PCDH9: variants seen among roughly 807,000 people sequenced by gnomAD.
PCDH9 encodes protocadherin-9.
A neutral mutation model predicts 70.6 loss-of-function variants in PCDH9; 24 were observed. That is an observed-to-expected ratio of 0.34 (90% CI 0.25 to 0.48). PCDH9 has a LOEUF of 0.48. PCDH9 is among the 20% of genes least tolerant of loss of function. The pLI is 0.99. For missense variants in PCDH9, 1,281 were observed against 1,503.6 expected, an observed-to-expected ratio of 0.85 and a Z score of 2.45; for synonymous variants, 562 against 558.5, an observed-to-expected ratio of 1.01 and a Z score of -0.09.
At position 66,518,829 on chromosome 13, in the gene PCDH9, C is replaced by T. The variant is rs369667392; in HGVS notation, c.3340+112381G>A. Among the ~76,000 whole-genome samples the T allele has an allele frequency of 5.9e-5, 9 of 152,138 alleles. No individual in the cohort carries two copies. In the East Asian group the frequency reaches 1.5e-3, roughly 26 times the overall value. On this transcript the variant is annotated intron_variant, in intron 4 of 4. Transcript: ENST00000377865. ...ATGGGCAGGGAATTTTAAAACTTTT[C>T]GAGTAAAAGAGACCAAAACCCAAAC...
chr13:66,462,976 ACTG>A (rs1473348418), intron 4 of PCDH9, among the ~76,000 whole-genome samples: 1 of 151,836 alleles, frequency 6.6e-6, no homozygotes, highest in African/African-American at 2.4e-5. Flanking sequence ...ATGTGATATC[ACTG>A]CTTGCACAAG....
At chr13:66,966,067 A>T (rs558242972) in intron 2 of PCDH9, among the ~76,000 whole-genome samples, 1 of 152,220 alleles carries the variant, frequency 6.6e-6, no homozygotes, top group East Asian at 1.9e-4. Flanking sequence ...GCCATATTTT[A>T]AAAAAATATG....
At chr13:67,158,138 G>T (rs1325328441) in intron 2 of PCDH9, among the ~76,000 whole-genome samples, 1 of 152,134 alleles carries the variant, frequency 6.6e-6, no homozygotes, top group Non-Finnish European at 1.5e-5. Flanking sequence ...AGTATCACTA[G>T]ACTGTCTAAT....
At chr13:66,923,767 A>C (rs1179192907) in intron 2 of PCDH9, among the ~76,000 whole-genome samples, 1 of 151,712 alleles carries the variant, frequency 6.6e-6, no homozygotes, top group Non-Finnish European at 1.5e-5. Context: ...TTGCCATTGC[A>C]CTTTTCGATT....
intron 4 of PCDH9, among the ~76,000 whole-genome samples, chr13:66,332,110 C>T (rs972537492): frequency 1.3e-5 from 2 of 151,978 alleles, no homozygotes; most frequent in Non-Finnish European, 2.9e-5. Flanking sequence ...TCTCAGTGGC[C>T]CCACTAAGAT....
At chr13:66,740,552 G>A (rs1290956854) in intron 3 of PCDH9, among the ~76,000 whole-genome samples, 2 of 146,832 alleles carry the variant, frequency 1.4e-5, no homozygotes, top group African/African-American at 5.0e-5. Flanking sequence ...GAATCCAGGA[G>A]CTGGTTTTTT....
chr13:67,168,972 T>A (rs914012584), intron 2 of PCDH9, among the ~76,000 whole-genome samples: 3 of 152,200 alleles, frequency 2.0e-5, no homozygotes, highest in Non-Finnish European at 4.4e-5. Flanking sequence ...CCAGTAGATG[T>A]TTAATAAATG....
chr13:66,613,320 T>G (rs2077316308), intron 4 of PCDH9, among the ~76,000 whole-genome samples: 1 of 152,220 alleles, frequency 6.6e-6, no homozygotes, highest in South Asian at 2.1e-4. Context: ...AGGAACCACT[T>G]GCATGAGAAT....
chr13:66,665,853 T>C (rs2078089691), intron 3 of PCDH9, among the ~76,000 whole-genome samples: 1 of 151,930 alleles, frequency 6.6e-6, no homozygotes. Context: ...GATACTAGAT[T>C]AGGGTAGGAA....
intron 2 of PCDH9, among the ~76,000 whole-genome samples, chr13:66,966,947 A>C (rs1273960060): frequency 6.6e-6 from 1 of 152,080 alleles, no homozygotes; most frequent in African/African-American, 2.4e-5. Context: ...GGTAAACTAA[A>C]AGCAGACCGT....
intron 2 of PCDH9, among the ~76,000 whole-genome samples, chr13:66,947,077 C>T (rs1241205645): frequency 6.6e-6 from 1 of 152,100 alleles, no homozygotes; most frequent in Admixed American, 6.6e-5. Flanking sequence ...TGTTCAATTA[C>T]AAGTTTGTCC....
At chr13:67,054,889 C>T (rs2085388916) in intron 2 of PCDH9, among the ~76,000 whole-genome samples, 1 of 152,124 alleles carries the variant, frequency 6.6e-6, no homozygotes, top group Non-Finnish European at 1.5e-5. Context: ...CCAAAAAATA[C>T]ATATATTTGA....
chr13:67,215,755 T>A (rs531239305), intron 2 of PCDH9: 1 of 152,116 alleles, frequency 6.6e-6, no homozygotes, highest in East Asian at 1.9e-4. Flanking sequence ...TGGAAAATCT[T>A]ATATATATAA....
chr13:66,631,107 T>C lies in PCDH9; in HGVS notation c.3340+103A>G, dbSNP rs77043425. On this transcript the variant is annotated intron_variant, in intron 4 of 4. Transcript: ENST00000377865. ...AACAACAATAAAGCCAGCAAAAAAATAACTAAATGTTCATCCTTGCCCCCT... is the reference window on the plus strand; with the variant it reads ...AACAACAATAAAGCCAGCAAAAAAACAACTAAATGTTCATCCTTGCCCCCT... The C allele has an allele frequency of 6.7e-3, 4,503 of 667,232 alleles. 174 individuals carry two copies. The East Asian group carries it at 0.083, about 12-fold the overall frequency. 41.3% of individuals were successfully genotyped at this position (667,232 alleles called of 1,614,324 possible).
intron 2 of PCDH9, among the ~76,000 whole-genome samples, chr13:66,944,975 C>T (rs2083065757): frequency 1.3e-5 from 2 of 151,944 alleles, no homozygotes; most frequent in African/African-American, 4.8e-5. Flanking sequence ...TACCCTAAAA[C>T]CTGACTGCAG....
chr13:66,919,400 C>A (rs1296265459), intron 2 of PCDH9, among the ~76,000 whole-genome samples: 1 of 151,296 alleles, frequency 6.6e-6, no homozygotes, highest in Non-Finnish European at 1.5e-5. Flanking sequence ...CTTTAACATT[C>A]ATTCATCTGT....
chr13:66,726,688 C>T (rs112673559), intron 3 of PCDH9, among the ~76,000 whole-genome samples: 2 of 152,284 alleles, frequency 1.3e-5, no homozygotes, highest in Non-Finnish European at 2.9e-5. Context: ...TTCCTCCCTG[C>T]GTACCAAAGA....
At chr13:66,684,349 A>G (rs1593890100) in intron 3 of PCDH9, among the ~76,000 whole-genome samples, 1 of 152,144 alleles carries the variant, frequency 6.6e-6, no homozygotes, top group African/African-American at 2.4e-5. Context: ...TCAATTCGGT[A>G]GTGTTGTAAG....
chr13:66,329,569 G>A (rs1955903418), intron 4 of PCDH9, among the ~76,000 whole-genome samples: 1 of 152,076 alleles, frequency 6.6e-6, no homozygotes. Flanking sequence ...AGTTGATGAA[G>A]AACAATATGG....
Sources: allele counts gnomAD v4.1 joint callset (sites outside exome capture counted in the v4.1 genomes callset), GRCh38; gene constraint gnomAD v4.1.1; transcripts MANE v1.5; gene names NCBI Gene and HGNC (gene_info 2026-07-23, HGNC 2026-07-21).